The following ASIC2 variants were observed in gnomAD, a reference collection of about 807,000 sequenced individuals.
ASIC2 encodes the protein acid-sensing ion channel 2.
In ASIC2, 25 loss-of-function variants were observed where a neutral mutation model predicts 57.3. The observed-to-expected ratio is 0.44, with a 90% CI of 0.32 to 0.61. ASIC2 has a LOEUF of 0.61. Ranked by LOEUF, ASIC2 falls within the 20% of genes least tolerant of loss-of-function variation. The pLI is 0.06. For missense variants in ASIC2, 641 were observed against 738.1 expected (o/e 0.87, Z 1.52); for synonymous variants, 319 against 307.5 (o/e 1.04, Z -0.39).
intron 1 of ASIC2, among the ~76,000 whole-genome samples, chr17:33,479,418 T>C (rs1913331187): frequency 6.6e-6 from 1 of 152,240 alleles, no homozygotes; most frequent in African/African-American, 2.4e-5. Context: ...TCTGGGTTTC[T>C]TGTGGCCATG....
At chr17:33,724,075 G>A (rs747250634) in intron 1 of ASIC2, among the ~76,000 whole-genome samples, 8 of 152,098 alleles carry the variant, frequency 5.3e-5, no homozygotes, top group Non-Finnish European at 7.4e-5. Flanking sequence ...GGTCTTTCCC[G>A]TGCTGTTCTC....
chr17:33,811,486 A>G (rs2141885978), intron 1 of ASIC2, among the ~76,000 whole-genome samples: 1 of 152,262 alleles, frequency 6.6e-6, no homozygotes, highest in Non-Finnish European at 1.5e-5. Context: ...TCCCTTAGCT[A>G]ATATTAAGCC....
chr17:33,418,441 C>A (rs1211593920), intron 1 of ASIC2, among the ~76,000 whole-genome samples: 8 of 152,096 alleles, frequency 5.3e-5, no homozygotes, highest in Admixed American at 5.2e-4. Context: ...GAAGTCTTTG[C>A]CCATGCCTAT....
At chr17:33,129,335 CA>C (rs1192921384) in intron 1 of ASIC2, among the ~76,000 whole-genome samples, 2 of 151,774 alleles carry the variant, frequency 1.3e-5, no homozygotes, top group Non-Finnish European at 2.9e-5. Flanking sequence ...CTTCTGAAAA[CA>C]AAAAAAGAAA....
intron 1 of ASIC2, among the ~76,000 whole-genome samples, chr17:33,390,774 C>T (rs1189820929): frequency 2.0e-5 from 3 of 152,234 alleles, no homozygotes; most frequent in African/African-American, 2.4e-5. Context: ...TCATGCAAGA[C>T]GAGAGCCTCA....
chr17:33,963,412 G>A (rs566821055), intron 1 of ASIC2, among the ~76,000 whole-genome samples: 1 of 152,286 alleles, frequency 6.6e-6, no homozygotes, highest in East Asian at 1.9e-4. Context: ...AGTAGGTGCT[G>A]ATAATATGAA....
chr17:33,602,745 C>T (rs1370997891), intron 1 of ASIC2, among the ~76,000 whole-genome samples: 1 of 152,208 alleles, frequency 6.6e-6, no homozygotes, highest in Non-Finnish European at 1.5e-5. Flanking sequence ...GTCTCAGGAC[C>T]TTTGCATGGA....
chr17:33,297,273 C>T (rs148661582), upstream of ASIC2, among the ~76,000 whole-genome samples: 12 of 152,238 alleles, frequency 7.9e-5, no homozygotes, highest in South Asian at 2.1e-4. Context: ...TGAATCTCCT[C>T]GCAATGTGAT....
Position 33,990,952 on chromosome 17 carries a change from C to T in ASIC2, c.555+165026G>A, listed in dbSNP as rs148457532. Reference sequence around the variant, plus strand: ...CAAGAAACTCTAACAAAACTTGTAACTCCAAATGTTTAGGTTATTGCAGTA... The same window carrying T: ...CAAGAAACTCTAACAAAACTTGTAATTCCAAATGTTTAGGTTATTGCAGTA... On this transcript the variant is annotated intron_variant, in intron 1 of 9. Transcript: ENST00000359872. 2.6e-4 allele frequency among the ~76,000 whole-genome samples: 39 copies of T among 152,288 alleles called. 1 individual carries two copies. In the East Asian group the frequency reaches 7.1e-3, roughly 28 times the overall value.
chr17:33,509,442 C>G (rs575234374), intron 1 of ASIC2, among the ~76,000 whole-genome samples: 10 of 152,174 alleles, frequency 6.6e-5, no homozygotes, highest in African/African-American at 2.2e-4. Context: ...GCTCATCTGC[C>G]GCAATCCCAA....
At chr17:33,049,422 T>C (rs2091966991) in intron 3 of ASIC2, among the ~76,000 whole-genome samples, 1 of 152,226 alleles carries the variant, frequency 6.6e-6, no homozygotes, top group Admixed American at 6.5e-5. Flanking sequence ...TTCTATATCC[T>C]AACATGTCTA....
At chr17:33,409,124 A>G (rs1597718074) in intron 1 of ASIC2, among the ~76,000 whole-genome samples, 1 of 152,208 alleles carries the variant, frequency 6.6e-6, no homozygotes, top group East Asian at 1.9e-4. Context: ...CTGAGGTGGG[A>G]GAATTTATTG....
intron 3 of ASIC2, among the ~76,000 whole-genome samples, chr17:33,083,018 A>C (rs905401755): frequency 3.9e-5 from 6 of 152,188 alleles, no homozygotes; most frequent in African/African-American, 1.4e-4. Context: ...AACGATATGA[A>C]TATATCATCC....
chr17:33,962,022 G>T (rs1256802149), intron 1 of ASIC2, among the ~76,000 whole-genome samples: 2 of 152,112 alleles, frequency 1.3e-5, no homozygotes, highest in Non-Finnish European at 2.9e-5. Flanking sequence ...TCATTCTGAG[G>T]ACCTCACGGC....
At chr17:33,930,965 C>A (rs757406504) in intron 1 of ASIC2, among the ~76,000 whole-genome samples, 2 of 152,194 alleles carry the variant, frequency 1.3e-5, no homozygotes, top group Non-Finnish European at 2.9e-5. Context: ...GCCGCCCAGG[C>A]TGGAGTGCAG....
intron 1 of ASIC2, among the ~76,000 whole-genome samples, chr17:33,208,343 T>C (rs1907146918): frequency 6.6e-6 from 1 of 152,130 alleles, no homozygotes; most frequent in South Asian, 2.1e-4. Context: ...TCTAGTTCTT[T>C]TAGAACAGAA....
intron 4 of ASIC2, among the ~76,000 whole-genome samples, chr17:33,027,407 C>T (rs1201691335): frequency 1.3e-5 from 2 of 152,174 alleles, no homozygotes; most frequent in Admixed American, 1.3e-4. Context: ...GAAATAACAG[C>T]TACTAAATAT....
At chr17:33,361,657 TA>T (rs1433980903) in intron 1 of ASIC2, among the ~76,000 whole-genome samples, 2 of 152,166 alleles carry the variant, frequency 1.3e-5, no homozygotes, top group Non-Finnish European at 2.9e-5. Flanking sequence ...CATTTTATAG[TA>T]AAAAGACTGA....
chr17:34,129,878 T>G (rs954395485), intron 1 of ASIC2, among the ~76,000 whole-genome samples: 3 of 152,162 alleles, frequency 2.0e-5, no homozygotes, highest in South Asian at 2.1e-4. Context: ...CTAAAGCTAT[T>G]GTCACCCTCC....
Sources: allele counts gnomAD v4.1 joint callset (sites outside exome capture counted in the v4.1 genomes callset), GRCh38; gene constraint gnomAD v4.1.1; transcripts MANE v1.5; gene names NCBI Gene and HGNC (gene_info 2026-07-23, HGNC 2026-07-21).